Variants in CWC27 observed in about 807,000 individuals in gnomAD.
The protein encoded by CWC27 is CWC27 spliceosome associated cyclophilin.
In CWC27, 47 loss-of-function variants were observed where a neutral mutation model predicts 63.6. The ratio of observed to expected loss-of-function variants is 0.74; its 90% CI spans 0.58 to 0.94. CWC27 has a LOEUF of 0.94. Ranked by LOEUF, CWC27 falls within the 40% of genes least tolerant of loss-of-function variation. The probability of loss-of-function intolerance (pLI) is 0.00; values close to 1 mark genes in which losing one functional copy is unlikely to be tolerated. For missense variants in CWC27, 495 were observed against 554.3 expected (o/e 0.89, Z 1.07); for synonymous variants, 175 against 179.8 (o/e 0.97, Z 0.22).
rs141887617 is a variant in CWC27 at position 65,013,848 on chromosome 5, A to G, written c.1257-4311A>G. 1.0e-3 allele frequency among the ~76,000 whole-genome samples: 157 copies of G among 152,306 alleles called. 1 individual carries two copies. Among genetic ancestry groups the G allele is most frequent in the African/African-American group, 3.6e-3 (148 of 41,576 alleles). On this transcript the variant is annotated intron_variant, in intron 13 of 13. Transcript: ENST00000381070. ...TGAAAAAGATAGCTGTTTATATTAT[A>G]TAAGTAATTTAAATTCATTTAAATC...
intron 13 of CWC27, among the ~76,000 whole-genome samples, chr5:65,003,846 CT>C (rs67780986): frequency 0.37 from 50,955 of 139,484 alleles, 9,249 homozygotes; most frequent in Non-Finnish European, 0.44. Context: ...TTTTATTTGA[CT>C]TTTTTTTTTT....
At chr5:64,793,272 A>T (rs747778326) in intron 7 of CWC27, among the ~76,000 whole-genome samples, 1 of 152,102 alleles carries the variant, frequency 6.6e-6, no homozygotes, top group Non-Finnish European at 1.5e-5. Flanking sequence ...ATGCGATTGG[A>T]TCTTGGCACA....
At chr5:64,915,039 A>G (rs544411362) in intron 11 of CWC27, among the ~76,000 whole-genome samples, 7 of 152,330 alleles carry the variant, frequency 4.6e-5, no homozygotes, top group Non-Finnish European at 7.4e-5. Flanking sequence ...TATGCACAAG[A>G]AAACAAACAA....
At chr5:64,799,025 C>G (rs1041703185) in intron 7 of CWC27, among the ~76,000 whole-genome samples, 1 of 152,038 alleles carries the variant, frequency 6.6e-6, no homozygotes, top group Non-Finnish European at 1.5e-5. Flanking sequence ...GAAACCAGGC[C>G]GGTATTCTGG....
intron 13 of CWC27, among the ~76,000 whole-genome samples, chr5:65,001,241 A>G (rs912478398): frequency 1.3e-5 from 2 of 152,050 alleles, no homozygotes; most frequent in African/African-American, 4.8e-5. Context: ...AGGTTTTTCT[A>G]CATATAAGTT....
chr5:64,837,735 TTTA>T (rs971929305), intron 10 of CWC27, among the ~76,000 whole-genome samples: 1 of 151,930 alleles, frequency 6.6e-6, no homozygotes, highest in African/African-American at 2.4e-5. Context: ...TATTTAGAGG[TTTA>T]CAACTTAGTT....
At chr5:64,997,946 A>G (rs1026480702) in intron 13 of CWC27, among the ~76,000 whole-genome samples, 3 of 152,158 alleles carry the variant, frequency 2.0e-5, no homozygotes, top group Non-Finnish European at 2.9e-5. Context: ...GTTAGTGTTC[A>G]TTTTATACAG....
intron 10 of CWC27, among the ~76,000 whole-genome samples, chr5:64,884,764 A>T (rs1381778994): frequency 6.6e-6 from 1 of 152,206 alleles, no homozygotes; most frequent in African/African-American, 2.4e-5. Flanking sequence ...CTCCTGCCCT[A>T]AAACTGGCAT....
At chr5:64,991,899 T>A (rs1431508528) in intron 13 of CWC27, among the ~76,000 whole-genome samples, 1 of 152,176 alleles carries the variant, frequency 6.6e-6, no homozygotes, top group African/African-American at 2.4e-5. Flanking sequence ...TAAAACCACT[T>A]GTTAAGGGTA....
At chr5:64,972,896 A>C (rs1344204159) in intron 12 of CWC27, among the ~76,000 whole-genome samples, 1 of 152,198 alleles carries the variant, frequency 6.6e-6, no homozygotes, top group South Asian at 2.1e-4. Flanking sequence ...AAGTAATACC[A>C]GTGAAAGGGG....
chr5:64,825,560 T>C (rs1276036287), intron 10 of CWC27, among the ~76,000 whole-genome samples: 1 of 152,174 alleles, frequency 6.6e-6, no homozygotes, highest in Non-Finnish European at 1.5e-5. Flanking sequence ...GCTCTTCCCC[T>C]TTTTCTTCTT....
intron 13 of CWC27, 76 bp from the exon 14 acceptor site, chr5:65,018,083 G>A (rs1228162226): frequency 4.8e-6 from 6 of 1,258,968 alleles, no homozygotes; most frequent in East Asian, 2.6e-5. Flanking sequence ...TCATTATGTC[G>A]ATGATAGTAG....
intron 10 of CWC27, among the ~76,000 whole-genome samples, chr5:64,850,445 C>A (rs1448984690): frequency 6.6e-6 from 1 of 152,064 alleles, no homozygotes; most frequent in Non-Finnish European, 1.5e-5. Flanking sequence ...TAGGCTTAAT[C>A]TTAAGACCAG....
intron 11 of CWC27, among the ~76,000 whole-genome samples, chr5:64,906,448 G>A (rs559441194): frequency 6.6e-6 from 1 of 152,146 alleles, no homozygotes; most frequent in African/African-American, 2.4e-5. Context: ...TCACGTGTCT[G>A]TTGGCTGCAC....
intron 10 of CWC27, among the ~76,000 whole-genome samples, chr5:64,853,264 G>T (rs148764445): frequency 1.3e-5 from 2 of 152,214 alleles, no homozygotes; most frequent in Admixed American, 6.5e-5. Context: ...TAACTTTATT[G>T]CTTCTTTTGA....
intron 11 of CWC27, among the ~76,000 whole-genome samples, chr5:64,887,014 A>G (rs888254158): frequency 2.0e-5 from 3 of 152,118 alleles, no homozygotes; most frequent in Non-Finnish European, 4.4e-5. Context: ...AAATAATTTC[A>G]ACTAGAAAGA....
intron 10 of CWC27, among the ~76,000 whole-genome samples, chr5:64,844,539 G>T (rs1745924131): frequency 6.6e-6 from 1 of 152,150 alleles, no homozygotes; most frequent in Admixed American, 6.5e-5. Context: ...GAAGTGAAGG[G>T]TCTATACCAG....
chr5:64,782,699 G>T (rs1199272784), intron 3 of CWC27, among the ~76,000 whole-genome samples: 1 of 152,058 alleles, frequency 6.6e-6, no homozygotes, highest in African/African-American at 2.4e-5. Context: ...GGGAGTTTTT[G>T]AAAAATTCGT....
intron 10 of CWC27, among the ~76,000 whole-genome samples, chr5:64,883,203 C>A (rs1319095803): frequency 6.6e-5 from 10 of 152,106 alleles, no homozygotes; most frequent in Non-Finnish European, 1.2e-4. Flanking sequence ...GAAACTGCCA[C>A]CATGATCCAA....
Sources: allele counts gnomAD v4.1 joint callset (sites outside exome capture counted in the v4.1 genomes callset), GRCh38; gene constraint gnomAD v4.1.1; transcripts MANE v1.5; gene names NCBI Gene and HGNC (gene_info 2026-07-23, HGNC 2026-07-21).